Variants in MLIP observed in about 807,000 individuals in gnomAD.
The protein encoded by MLIP is muscular LMNA interacting protein.
A neutral mutation model predicts 84.8 loss-of-function variants in MLIP; 79 were observed. The observed-to-expected ratio is 0.93, with a 90% CI of 0.78 to 1.12. MLIP has a LOEUF of 1.12. MLIP is among the 50% of genes most tolerant of loss of function. MLIP has a pLI of 0.00. For synonymous variants in MLIP, 504 were observed against 463.0 expected (o/e 1.09, Z -1.14); for missense variants, 1,257 against 1,160.6 (o/e 1.08, Z -1.21).
chr6:54,083,019 A>G (rs1767263136), intron 1 of MLIP, among the ~76,000 whole-genome samples: 1 of 152,134 alleles, frequency 6.6e-6, no homozygotes, highest in African/African-American at 2.4e-5. Flanking sequence ...TGAGAACAGA[A>G]ATAGAATTTT....
intron 11 of MLIP, among the ~76,000 whole-genome samples, chr6:54,202,731 A>C (rs1303336942): frequency 6.6e-6 from 1 of 152,032 alleles, no homozygotes; most frequent in Admixed American, 6.6e-5. Flanking sequence ...CATCTCTACA[A>C]CAAATTAAAA....
chr6:54,111,009 C>T (rs150051981), upstream of MLIP, among the ~76,000 whole-genome samples: 48 of 152,244 alleles, frequency 3.2e-4, 1 homozygote, highest in East Asian at 9.1e-3. Flanking sequence ...TTTTCTAGTT[C>T]TTTATTTGGA....
At chr6:54,213,734 A>AAAAAAAAAAAAACC (rs368508685) in intron 11 of MLIP, among the ~76,000 whole-genome samples, 2 of 82,372 alleles carry the variant, frequency 2.4e-5, no homozygotes, top group African/African-American at 9.0e-5. Flanking sequence ...AAAAAAAAAA[A>AAAAAAAAAAAAACC]AACAACAAAC....
chr6:54,045,393 T>TGGTGATGCAA, intron 1 of MLIP: 1 of 151,992 alleles, frequency 6.6e-6, no homozygotes, highest in Middle Eastern at 3.2e-3. Flanking sequence ...CCATGCATGA[T>TGGTGATGCAA]CAAATTTTGA....
chr6:54,058,961 G>A (rs780666724), intron 1 of MLIP: 1 of 152,162 alleles, frequency 6.6e-6, no homozygotes, highest in Non-Finnish European at 1.5e-5. Flanking sequence ...TTAAAGCTCC[G>A]TAGTTGAACC....
chr6:54,181,462 C>G (rs946815372), intron 9 of MLIP, among the ~76,000 whole-genome samples: 1 of 152,170 alleles, frequency 6.6e-6, no homozygotes, highest in Non-Finnish European at 1.5e-5. Context: ...GTCTAAGAGC[C>G]TATGCCTGGA....
At chr6:54,136,638 C>T in intron 3 of MLIP, 77 bp from the exon 4 acceptor site, 1 of 1,304,748 alleles carries the variant, frequency 7.7e-7, no homozygotes, top group Non-Finnish European at 1.0e-6. Flanking sequence ...TTTGTATAAT[C>T]GCACAAGTGA....
At chr6:54,201,919 C>G (rs191847147) in intron 10 of MLIP, among the ~76,000 whole-genome samples, 186 bp from the exon 11 acceptor site, 31 of 152,232 alleles carry the variant, frequency 2.0e-4, no homozygotes, top group African/African-American at 7.2e-4. Context: ...TAAATTTTAA[C>G]TAAACTTATA....
chr6:54,028,334 C>T (rs1162121442), intron 1 of MLIP, among the ~76,000 whole-genome samples: 3 of 152,014 alleles, frequency 2.0e-5, no homozygotes, highest in Admixed American at 6.6e-5. Context: ...GCTGTCAGAG[C>T]GTAGCAATTT....
At chr6:54,263,548 G>T (rs1465983919) in intron 13 of MLIP, among the ~76,000 whole-genome samples, 1 of 151,916 alleles carries the variant, frequency 6.6e-6, no homozygotes, top group Non-Finnish European at 1.5e-5. Context: ...GAACACATGT[G>T]TAGGTTATTT....
chr6:54,076,922 T>C (rs2150351378), intron 1 of MLIP, among the ~76,000 whole-genome samples: 1 of 152,244 alleles, frequency 6.6e-6, no homozygotes, highest in Non-Finnish European at 1.5e-5. Flanking sequence ...TAAAAATGGA[T>C]TTGGATCGTT....
At chr6:54,211,417 G>A (rs1273875630) in intron 11 of MLIP, among the ~76,000 whole-genome samples, 1 of 152,250 alleles carries the variant, frequency 6.6e-6, no homozygotes, top group East Asian at 1.9e-4. Context: ...TGCAGGGCAT[G>A]GTAGAGTCAA....
chr6:54,200,578 T>C (rs1778602521), intron 10 of MLIP, among the ~76,000 whole-genome samples: 1 of 148,220 alleles, frequency 6.7e-6, no homozygotes, highest in Admixed American at 6.7e-5. Flanking sequence ...TAATTACAGG[T>C]GGCTATAGAA....
At chr6:54,154,439 C>T (rs1025764544) in intron 5 of MLIP, among the ~76,000 whole-genome samples, 1 of 152,146 alleles carries the variant, frequency 6.6e-6, no homozygotes, top group African/African-American at 2.4e-5. Context: ...ATCACAAAGG[C>T]TGCCGTATTG....
chr6:54,210,896 T>C (rs1779405931), intron 11 of MLIP, among the ~76,000 whole-genome samples: 1 of 152,148 alleles, frequency 6.6e-6, no homozygotes, highest in African/African-American at 2.4e-5. Context: ...CTTTGTTAAG[T>C]AAATAAACAG....
chr6:54,175,928 GT>G (rs1468747897), intron 9 of MLIP, among the ~76,000 whole-genome samples: 1 of 151,866 alleles, frequency 6.6e-6, no homozygotes, highest in Non-Finnish European at 1.5e-5. Flanking sequence ...TTTTTTGAGA[GT>G]TTTTTAATCA....
intron 1 of MLIP, among the ~76,000 whole-genome samples, chr6:54,075,958 G>A (rs1766779121): frequency 6.6e-6 from 1 of 152,162 alleles, no homozygotes; most frequent in African/African-American, 2.4e-5. Context: ...CATCATTACG[G>A]AACCATTTTA....
chr6:54,237,707 G>C (rs1001926506), intron 12 of MLIP, among the ~76,000 whole-genome samples: 14 of 151,208 alleles, frequency 9.3e-5, no homozygotes, highest in Non-Finnish European at 2.1e-4. Flanking sequence ...AAAATTAGCT[G>C]GGCATGGTTT....
chr6:54,052,353 G>A (rs1765424200), intron 1 of MLIP, among the ~76,000 whole-genome samples: 1 of 152,116 alleles, frequency 6.6e-6, no homozygotes, highest in Non-Finnish European at 1.5e-5. Context: ...AGAGCAGAAG[G>A]AAACTTTTAA....
Sources: allele counts gnomAD v4.1 joint callset (sites outside exome capture counted in the v4.1 genomes callset), GRCh38; gene constraint gnomAD v4.1.1; transcripts MANE v1.5; gene names NCBI Gene and HGNC (gene_info 2026-07-23, HGNC 2026-07-21).